The following ERLIN1 variants were observed in gnomAD, a reference collection of about 807,000 sequenced individuals.
The protein encoded by ERLIN1 is ER lipid raft associated 1, also known as erlin-1.
ERLIN1 carries 24 observed loss-of-function variants against 46.9 expected under a neutral mutation model. The ratio of observed to expected loss-of-function variants is 0.51; its 90% CI spans 0.37 to 0.72. The LOEUF is 0.72. Ranked by LOEUF, ERLIN1 falls within the 30% of genes least tolerant of loss-of-function variation. The probability of loss-of-function intolerance (pLI) is 0.00; values close to 1 mark genes in which losing one functional copy is unlikely to be tolerated. For missense variants in ERLIN1, 293 were observed against 417.9 expected (o/e 0.70, Z 2.61); for synonymous variants, 158 against 143.2 (o/e 1.10, Z -0.74).
At chr10:100,164,206 T>C (rs572313652) in intron 7 of ERLIN1, 111 bp from the exon 8 acceptor site, 6 of 660,626 alleles carry the variant, frequency 9.1e-6, no homozygotes, top group Non-Finnish European at 1.6e-5. Context: ...CATGAGCTTT[T>C]GGACCCATTA....
intron 6 of ERLIN1, among the ~76,000 whole-genome samples, chr10:100,167,724 GCTTT>G (rs571481702): frequency 9.9e-5 from 15 of 152,284 alleles, no homozygotes; most frequent in African/African-American, 3.4e-4. Flanking sequence ...AGATACTTTT[GCTTT>G]CTTTTTCAAC....
rs74601923 is a variant in ERLIN1, at chr10:100,180,539, G to A, written c.196-1292C>T. 8.9e-3 allele frequency among the ~76,000 whole-genome samples: 1,358 copies of A among 152,300 alleles called. 20 individuals carry two copies. The highest frequency in any genetic ancestry group is 0.031 in the African/African-American group (1,272 of 41,556). On this transcript the variant is annotated intron_variant, in intron 2 of 10. Transcript: ENST00000421367. Reference sequence around the variant, plus strand: ...AGTGGGAGAAATAAGAACAGATGAGGCAGAGGAACATCTTAAGCTCAATAA... The same window carrying A: ...AGTGGGAGAAATAAGAACAGATGAGACAGAGGAACATCTTAAGCTCAATAA...
chr10:100,178,284 A>T, intron 3 of ERLIN1, 90 bp from the exon 4 acceptor site: 2 of 778,032 alleles, frequency 2.6e-6, no homozygotes, highest in Non-Finnish European at 4.3e-6. Flanking sequence ...ATAATGAAAC[A>T]TACTAATATT....
At chr10:100,165,794 C>T (rs999603373) in intron 7 of ERLIN1, among the ~76,000 whole-genome samples, 1 of 152,104 alleles carries the variant, frequency 6.6e-6, no homozygotes, top group Non-Finnish European at 1.5e-5. Flanking sequence ...GGCGTGGTCT[C>T]GGCTCACTGC....
intron 10 of ERLIN1, 46 bp from the exon 11 acceptor site, chr10:100,152,398 C>G (rs779679150): frequency 5.7e-6 from 6 of 1,052,888 alleles, no homozygotes; most frequent in Non-Finnish European, 9.0e-6. Context: ...TACTCTGGTG[C>G]AACAGTCTTC....
chr10:100,185,628 C>A lies in ERLIN1; in HGVS notation c.-2G>T, dbSNP rs199921856. 6.2e-7 allele frequency: 1 copy of A among 1,613,310 alleles called. No individual in the cohort carries two copies. Among genetic ancestry groups the A allele is most frequent in the East Asian group, 2.2e-5 (1 of 44,878 alleles). ...AACCCGGGCTTGAGTCATATTCATT[C>A]TCGTTCCTCCTGGGAGCGGGAGAAA... On this transcript the variant is annotated 5_prime_UTR_variant, in exon 1 of 11. Coordinates refer to ENST00000421367, the MANE Select transcript of ERLIN1 (RefSeq NM_006459.4).
Position 100,150,519 on chromosome 10 carries a change from G to T in ERLIN1, c.*1612C>A, listed in dbSNP as rs1252122468. ...AGAACACAAAATTCATTTATAAAGAGAATTTATAGAATTAAATGAGCAAAA... is the reference window on the plus strand; with the variant it reads ...AGAACACAAAATTCATTTATAAAGATAATTTATAGAATTAAATGAGCAAAA... On this transcript the variant is annotated 3_prime_UTR_variant, in exon 11 of 11. Transcript: ENST00000421367. 6.6e-6 allele frequency: 1 copy of T among 152,586 alleles called. No individual in the cohort carries two copies. The highest frequency in any genetic ancestry group is 2.4e-5 in the African/African-American group (1 of 41,438). The allele number at this position is 152,586 out of a possible 1,614,324, so 9.5% of individuals were successfully genotyped here.
chr10:100,152,228 G>T lies in ERLIN1; in HGVS notation c.950C>A (p.Ser317Ter). ...GCTTTCTCTTCCAGTCCTAATATCT[G>T]AATATTTCAAAGCACATGAGGAGTC... ...FVDSSCALKY[S>*]DIRTGRESSL... The change falls in exon 11 of 11, where the codon TCA becomes TAA. Residue 317 changes from serine to a stop codon, truncating the protein, a stop_gained. Coordinates refer to ENST00000421367, the MANE Select transcript of ERLIN1 (RefSeq NM_006459.4). LOFTEE classifies it high-confidence loss of function. 6.2e-7 allele frequency: 1 copy of T among 1,612,506 alleles called. No homozygotes were observed. Among genetic ancestry groups the T allele is most frequent in the Non-Finnish European group, 8.5e-7 (1 of 1,178,518 alleles).
chr10:100,176,394 A>G (rs1844304537), intron 4 of ERLIN1, among the ~76,000 whole-genome samples: 1 of 152,208 alleles, frequency 6.6e-6, no homozygotes, highest in African/African-American at 2.4e-5. Flanking sequence ...CATGACAGTC[A>G]GATTTACGCT....
chr10:100,176,215 A>G, intron 4 of ERLIN1, 145 bp from the exon 5 acceptor site: 1 of 610,862 alleles, frequency 1.6e-6, no homozygotes. Flanking sequence ...ACAACTAACA[A>G]ATCTTGATGT....
rs1036572472 is a variant in ERLIN1 at position 100,151,229 on chromosome 10, A to G, written c.*902T>C. The G allele has an allele frequency of 1.1e-4, 17 of 152,690 alleles. No individual in the cohort carries two copies. The highest frequency in any genetic ancestry group is 4.1e-4 in the African/African-American group (17 of 41,466). 9.5% of individuals were successfully genotyped at this position (152,690 alleles called of 1,614,324 possible). On this transcript the variant is annotated 3_prime_UTR_variant, in exon 11 of 11. Coordinates refer to ENST00000421367, the MANE Select transcript of ERLIN1 (RefSeq NM_006459.4). ...TGTGCAGCAAGTCACTAGGAATTGC[A>G]TGCTGCTCCTATTTGTGGTTAAAAC...
Position 100,179,222 on chromosome 10 carries a change from T to G in ERLIN1, c.221A>C (p.Lys74Thr), listed in dbSNP as rs746593124. ...TTACCTTGTTCCACAAGGCACATTT[T>G]TAACTTCATCAGTTTGTAGTGTTGT... is the stretch of plus-strand genomic sequence containing the variant. ...VQTTLQTDEV[K>T]NVPCGTSGGV... Residue 74 changes from lysine to threonine, a missense_variant, in exon 3 of 11, where the codon AAA becomes ACA. This residue lies in a region of ERLIN1 where 148 missense variants were observed against 266.5 expected (regional missense o/e 0.56). Coordinates refer to ENST00000421367, the MANE Select transcript of ERLIN1 (RefSeq NM_006459.4). The G allele has an allele frequency of 1.3e-6, 2 of 1,597,030 alleles. No homozygotes were observed. The highest frequency in any genetic ancestry group is 3.5e-5 in the Admixed American group (2 of 57,462).
At chr10:100,164,192 T>C in intron 7 of ERLIN1, 97 bp from the exon 8 acceptor site, 1 of 735,522 alleles carries the variant, frequency 1.4e-6, no homozygotes, top group Non-Finnish European at 2.3e-6. Flanking sequence ...AACCGTTTTG[T>C]CAACATGAGC....
chr10:100,167,388 GT>G lies in ERLIN1; in HGVS notation c.522del (p.Lys174AsnfsTer8). On this transcript the variant is annotated frameshift_variant, in exon 7 of 11. Transcript: ENST00000421367. LOFTEE classifies it high-confidence loss of function. ...CTTCTTATGGCTTCTGGGATTTTGG[GT>G]TTTGTAACACGCACAGCCTAAAAAA... Reference protein sequence around the residue: ...GLTIQAVRVTKPKIPEAIRRN... With the variant: ...GLTIQAVRVTXPKIPEAIRRN... The G allele has an allele frequency of 6.2e-7, 1 of 1,613,270 alleles. No individual in the cohort carries two copies. The highest frequency in any genetic ancestry group is 8.5e-7 in the Non-Finnish European group (1 of 1,179,496).
chr10:100,172,426 A>G (rs187144996), intron 6 of ERLIN1, among the ~76,000 whole-genome samples: 30 of 152,336 alleles, frequency 2.0e-4, no homozygotes, highest in African/African-American at 6.7e-4. Flanking sequence ...ACTTTTTTCT[A>G]CAACATAAAT....
intron 8 of ERLIN1, among the ~76,000 whole-genome samples, chr10:100,157,919 C>T (rs1440945259): frequency 6.6e-6 from 1 of 152,222 alleles, no homozygotes; most frequent in African/African-American, 2.4e-5. Flanking sequence ...AGAGAAAACC[C>T]TTTAGCTAAC....
At chr10:100,175,598 A>T (rs1302412996) in intron 5 of ERLIN1, among the ~76,000 whole-genome samples, 2 of 152,170 alleles carry the variant, frequency 1.3e-5, no homozygotes, top group African/African-American at 2.4e-5. Context: ...TGTGAACACA[A>T]CTATGTGCTG....
At chr10:100,161,710 T>C (rs913772358) in intron 8 of ERLIN1, among the ~76,000 whole-genome samples, 2 of 152,044 alleles carry the variant, frequency 1.3e-5, no homozygotes, top group African/African-American at 2.4e-5. Flanking sequence ...TAAAACAAAT[T>C]AATATTGAGG....
intron 9 of ERLIN1, 58 bp from the exon 10 acceptor site, chr10:100,154,997 T>C: frequency 7.4e-7 from 1 of 1,357,756 alleles, no homozygotes; most frequent in African/African-American, 1.4e-5. Flanking sequence ...TAAGAGTCCC[T>C]TTCCCCACTG....
Sources: allele counts gnomAD v4.1 joint callset (sites outside exome capture counted in the v4.1 genomes callset), GRCh38; gene constraint gnomAD v4.1.1; regional missense constraint gnomAD v4.1.1; transcripts MANE v1.5; gene names NCBI Gene and HGNC (gene_info 2026-07-23, HGNC 2026-07-21).